The following GRK5 variants were observed in gnomAD, a reference collection of about 807,000 sequenced individuals.
GRK5 encodes the protein G protein-coupled receptor kinase 5, also known as g protein-coupled receptor kinase GRK5.
Under a neutral mutation model 78.4 loss-of-function variants are expected in GRK5, and 40 were observed. The ratio of observed to expected loss-of-function variants is 0.51; its 90% CI spans 0.40 to 0.66. The LOEUF is 0.66. Ranked by LOEUF, GRK5 falls within the 30% of genes least tolerant of loss-of-function variation. The probability of loss-of-function intolerance (pLI) is 0.00; values close to 1 mark genes in which losing one functional copy is unlikely to be tolerated. For missense variants in GRK5, 598 were observed against 759.9 expected, an observed-to-expected ratio of 0.79 and a Z score of 2.50; for synonymous variants, 289 against 296.8, an observed-to-expected ratio of 0.97 and a Z score of 0.27.
chr10:119,210,172 A>G (rs995939537), intron 1 of GRK5, among the ~76,000 whole-genome samples: 4 of 151,986 alleles, frequency 2.6e-5, no homozygotes, highest in Admixed American at 6.6e-5. Flanking sequence ...GGCTTTTTCA[A>G]TTTTGCTGTG....
intron 2 of GRK5, among the ~76,000 whole-genome samples, chr10:119,345,990 A>T: frequency 7.6e-6 from 1 of 130,986 alleles, no homozygotes; most frequent in South Asian, 2.4e-4. Flanking sequence ...ATAACCACCC[A>T]CCCCCTCCCC....
At chr10:119,423,322 C>A in intron 5 of GRK5, 56 bp downstream of exon 5, 1 of 1,223,748 alleles carries the variant, frequency 8.2e-7, no homozygotes, top group Non-Finnish European at 1.2e-6. Flanking sequence ...GATGGGATGC[C>A]GCAGCTCTCC....
At position 119,382,953 on chromosome 10, in the gene GRK5, G is replaced by A. The variant is rs182474708; in HGVS notation, c.261+2026G>A. ...TTTTTTGTTTTTGAGATGGAGTCTC[G>A]CTCTGTTGCCCAGGCTGGAGTACAG... On this transcript the variant is annotated intron_variant, in intron 3 of 15. Transcript: ENST00000392870. 2.4e-3 allele frequency among the ~76,000 whole-genome samples: 367 copies of A among 151,600 alleles called. 1 individual carries two copies. Among genetic ancestry groups the A allele is most frequent in the Non-Finnish European group, 3.7e-3 (254 of 67,924 alleles).
At chr10:119,448,636 G>C (rs1006867879) in intron 13 of GRK5, among the ~76,000 whole-genome samples, 3 of 152,192 alleles carry the variant, frequency 2.0e-5, no homozygotes, top group African/African-American at 7.2e-5. Flanking sequence ...GCTTTCAAGA[G>C]CATTGACGGC....
At chr10:119,359,185 C>T (rs1851318201) in intron 2 of GRK5, among the ~76,000 whole-genome samples, 1 of 152,130 alleles carries the variant, frequency 6.6e-6, no homozygotes, top group African/African-American at 2.4e-5. Flanking sequence ...GAGACTGTGC[C>T]AGAGGCCAGG....
chr10:119,322,574 ACTTT>A (rs1850604674), intron 1 of GRK5, among the ~76,000 whole-genome samples: 1 of 152,190 alleles, frequency 6.6e-6, no homozygotes, highest in African/African-American at 2.4e-5. Context: ...ACCTATGTTA[ACTTT>A]CTTAATGAAT....
intron 3 of GRK5, among the ~76,000 whole-genome samples, chr10:119,393,187 G>A (rs1055933297): frequency 7.2e-5 from 11 of 152,146 alleles, no homozygotes; most frequent in South Asian, 2.1e-4. Flanking sequence ...CCTTCCATCC[G>A]TTTTCCACCT....
At chr10:119,341,975 C>T (rs1315808406) in intron 2 of GRK5, among the ~76,000 whole-genome samples, 2 of 152,214 alleles carry the variant, frequency 1.3e-5, no homozygotes, top group East Asian at 3.9e-4. Context: ...ACTTTTCTCT[C>T]CCCTTGCAGG....
chr10:119,434,649 G>A (rs929077376), intron 8 of GRK5, among the ~76,000 whole-genome samples: 12 of 152,232 alleles, frequency 7.9e-5, no homozygotes, highest in Middle Eastern at 3.2e-3. Context: ...GCAGGGTACC[G>A]TCTCCCTCCT....
intron 4 of GRK5, among the ~76,000 whole-genome samples, chr10:119,418,095 G>A (rs563228695): frequency 2.4e-4 from 36 of 152,328 alleles, no homozygotes; most frequent in African/African-American, 7.5e-4. Context: ...CGATCTGCCC[G>A]CTGGAATAGC....
intron 4 of GRK5, among the ~76,000 whole-genome samples, chr10:119,401,513 C>G (rs1852150384): frequency 6.6e-6 from 1 of 152,186 alleles, no homozygotes; most frequent in African/African-American, 2.4e-5. Flanking sequence ...GACCTGGGTT[C>G]AAAGCCAGAT....
At chr10:119,248,252 ATCC>A (rs879861824) in intron 1 of GRK5, among the ~76,000 whole-genome samples, 4 of 152,076 alleles carry the variant, frequency 2.6e-5, no homozygotes, top group African/African-American at 9.7e-5. Flanking sequence ...GGCTCAAGCA[ATCC>A]TCCTGCCTCT....
At chr10:119,437,130 A>T (rs1348436342) in intron 9 of GRK5, among the ~76,000 whole-genome samples, 1 of 152,234 alleles carries the variant, frequency 6.6e-6, no homozygotes, top group Non-Finnish European at 1.5e-5. Flanking sequence ...GTCAAGGAGG[A>T]CGGGCCGTGA....
chr10:119,459,276 G>C lies in GRK5; in HGVS notation c.*4209G>C, dbSNP rs1429848691. The C allele has an allele frequency of 6.6e-6, 1 of 152,282 alleles. No homozygotes were observed. Among genetic ancestry groups the C allele is most frequent in the Non-Finnish European group, 1.5e-5 (1 of 68,076 alleles). 9.4% of individuals were successfully genotyped at this position (152,282 alleles called of 1,614,324 possible). ...CCCACCACCCAGCTGTTGAAGCTCA[G>C]CGTGTGCAAGTCAGACCCTGCACAG... On this transcript the variant is annotated 3_prime_UTR_variant, in exon 16 of 16. Coordinates refer to ENST00000392870, the MANE Select transcript of GRK5 (RefSeq NM_005308.3).
chr10:119,262,618 G>C (rs1046540580), intron 1 of GRK5, among the ~76,000 whole-genome samples: 1 of 151,936 alleles, frequency 6.6e-6, no homozygotes, highest in Non-Finnish European at 1.5e-5. Flanking sequence ...CTGGGATTTG[G>C]GCGTGAGCCA....
intron 3 of GRK5, among the ~76,000 whole-genome samples, chr10:119,389,637 G>A (rs752705529): frequency 6.6e-6 from 1 of 152,180 alleles, no homozygotes; most frequent in Admixed American, 6.5e-5. Context: ...AGCAGGAGGG[G>A]GTCTGTGAGC....
rs1851684645 is a variant in GRK5 at position 119,379,846 on chromosome 10, C to G, written c.149-969C>G. 6.6e-6 allele frequency among the ~76,000 whole-genome samples: 1 copy of G among 152,162 alleles called. No homozygotes were observed. The highest frequency in any genetic ancestry group is 2.4e-5 in the African/African-American group (1 of 41,430). ...CCCTTCTTGTTTTCAGAGGAGAACA[C>G]AGAGGCCCAGAGAGGGCAAGTGAAT... On this transcript the variant is annotated intron_variant, in intron 2 of 15. Coordinates refer to ENST00000392870, the MANE Select transcript of GRK5 (RefSeq NM_005308.3). This position sits in a 1 kb window ranked among gnomAD's most constrained non-coding sequence, Gnocchi z 4.1.
chr10:119,313,182 G>GTAA (rs1850417474), intron 1 of GRK5, among the ~76,000 whole-genome samples: 4 of 149,094 alleles, frequency 2.7e-5, no homozygotes, highest in East Asian at 4.0e-4. Context: ...GGTGGTGATG[G>GTAA]TGATGATGAT....
In GRK5 at chr10:119,411,815, C is replaced by G. The variant is rs112072271; in HGVS notation, c.340-11351C>G. ...ACAAACAAAACCCTAAAGCTTCGGC[C>G]TCCTCAGCTTCATTGCAGATCTGCT... On this transcript the variant is annotated intron_variant, in intron 4 of 15. Coordinates refer to ENST00000392870, the MANE Select transcript of GRK5 (RefSeq NM_005308.3). Among the ~76,000 whole-genome samples, 230 of 146,786 alleles carry G rather than the reference C, an allele frequency of 1.6e-3. 1 individual carries two copies. The highest frequency in any genetic ancestry group is 5.0e-3 in the African/African-American group (202 of 40,196).
Sources: gnomAD v4.1 joint callset for allele counts (sites outside exome capture counted in the v4.1 genomes callset) on GRCh38, gnomAD v4.1.1 for gene constraint, Gnocchi (gnomAD v3.1) non-coding constraint, MANE v1.5 for transcripts, NCBI Gene and HGNC (gene_info 2026-07-23, HGNC 2026-07-21) for gene names.